Variants in SLC35A5 observed in about 807,000 individuals in gnomAD.
The protein encoded by SLC35A5 is solute carrier family 35 member A5.
In SLC35A5, 28 loss-of-function variants were observed where a neutral mutation model predicts 36.3. The ratio of observed to expected loss-of-function variants is 0.77; its 90% CI spans 0.57 to 1.06. The LOEUF (loss-of-function observed/expected upper bound fraction) is 1.06. Ranked by LOEUF, SLC35A5 falls within the 50% of genes least tolerant of loss-of-function variation. The probability of loss-of-function intolerance (pLI) is 0.00; values close to 1 mark genes in which losing one functional copy is unlikely to be tolerated. For missense variants in SLC35A5, 521 were observed against 499.3 expected, an observed-to-expected ratio of 1.04 and a Z score of -0.41; for synonymous variants, 180 against 173.7, an observed-to-expected ratio of 1.04 and a Z score of -0.29.
At chr3:112,576,686 A>ATTTT (rs1559861812) in intron 5 of SLC35A5, among the ~76,000 whole-genome samples, 1 of 152,116 alleles carries the variant, frequency 6.6e-6, no homozygotes, top group African/African-American at 2.4e-5. Flanking sequence ...AGCTTAGCAT[A>ATTTT]TTGTCTTCAC....
chr3:112,566,055 T>A (rs1018036804), intron 2 of SLC35A5, among the ~76,000 whole-genome samples: 4 of 152,228 alleles, frequency 2.6e-5, no homozygotes, highest in Non-Finnish European at 5.9e-5. Flanking sequence ...TGATGAAGAC[T>A]AACTTAGTGT....
intron 6 of SLC35A5, 110 bp from the exon 7 acceptor site, chr3:112,582,561 A>T: frequency 1.4e-6 from 1 of 689,724 alleles, no homozygotes. Context: ...TGACCAGATT[A>T]TATCTATAGC....
At chr3:112,571,074 T>G (rs919267076) in intron 4 of SLC35A5, among the ~76,000 whole-genome samples, 2 of 152,250 alleles carry the variant, frequency 1.3e-5, no homozygotes, top group African/African-American at 4.8e-5. Context: ...GTACCTTTCT[T>G]ACACCTGTTT....
chr3:112,570,414 TA>T, intron 3 of SLC35A5, 125 bp from the exon 4 acceptor site: 1 of 1,025,602 alleles, frequency 9.8e-7, no homozygotes. Flanking sequence ...AGAGAGACAG[TA>T]ATGAAATGGA....
intron 6 of SLC35A5, among the ~76,000 whole-genome samples, chr3:112,581,815 C>T (rs920550662): frequency 3.9e-5 from 6 of 152,138 alleles, no homozygotes; most frequent in Admixed American, 2.0e-4. Flanking sequence ...CTCAGTCCTC[C>T]CTGTGGTTAT....
At chr3:112,579,645 C>T (rs1005198077) in intron 5 of SLC35A5, among the ~76,000 whole-genome samples, 2 of 152,152 alleles carry the variant, frequency 1.3e-5, no homozygotes, top group African/African-American at 4.8e-5. Context: ...GTCATTTCCT[C>T]TTTGAAGCAA....
chr3:112,573,770 T>A (rs556379395), intron 4 of SLC35A5, 119 bp from the exon 5 acceptor site: 2 of 740,794 alleles, frequency 2.7e-6, no homozygotes, highest in Non-Finnish European at 2.4e-6. Flanking sequence ...ATTGCTACCT[T>A]AATAACCCCT....
At chr3:112,565,490 G>A (rs936509879) in intron 2 of SLC35A5, among the ~76,000 whole-genome samples, 2 of 152,160 alleles carry the variant, frequency 1.3e-5, no homozygotes, top group African/African-American at 2.4e-5. Context: ...AAAGTTTAAG[G>A]ACTCGTAGCC....
intron 2 of SLC35A5, 103 bp from the exon 3 acceptor site, chr3:112,569,068 G>T: frequency 1.1e-6 from 1 of 871,800 alleles, no homozygotes. Flanking sequence ...AATATAACCA[G>T]TAGTAAATCC....
intron 6 of SLC35A5, 59 bp from the exon 7 acceptor site, chr3:112,582,612 C>CTTAGTAATT (rs869038626): frequency 1.6e-6 from 2 of 1,268,972 alleles, no homozygotes; most frequent in African/African-American, 3.4e-5. Context: ...AAGGTTTTCC[C>CTTAGTAATT]TTTAAAAATG....
At chr3:112,581,934 G>A (rs370293489) in intron 6 of SLC35A5, among the ~76,000 whole-genome samples, 4 of 152,254 alleles carry the variant, frequency 2.6e-5, no homozygotes. Flanking sequence ...CTAGAAAAAT[G>A]CTTATGCAAT....
rs1162264591 is a variant in SLC35A5 at position 112,582,719 on chromosome 3, G to T, written c.1258G>T (p.Asp420Tyr). Reference protein sequence around the residue: ...RLTKPKSDESDEDTF With the variant: ...RLTKPKSDESYEDTF ...TACCAAACCCAAGAGTGATGAGTCA[G>T]ATGAAGATACTTTCTAACTGGTACC... The change falls in exon 7 of 7, where the codon GAT (aspartate) becomes TAT (tyrosine). Residue 420 changes from aspartate (D) to tyrosine (Y), a missense_variant. By Grantham distance (160) the Asp-to-Tyr change is radical (BLOSUM62 -3). Transcript: ENST00000492406. The T allele has an allele frequency of 6.2e-7, 1 of 1,612,530 alleles. No homozygotes were observed. Among genetic ancestry groups the T allele is most frequent in the Non-Finnish European group, 8.5e-7 (1 of 1,178,950 alleles).
Position 112,565,324 on chromosome 3 carries a change from A to T in SLC35A5, c.130+1791A>T, listed in dbSNP as rs143628088. Among the ~76,000 whole-genome samples the T allele has an allele frequency of 2.0e-5, 3 of 152,330 alleles. No individual in the cohort carries two copies. The East Asian group carries it at 5.8e-4, about 29-fold the overall frequency. ...AGGGGATGATGTGGAGTTCAAATGG[A>T]TCAGAGAACACTTCGCTGATTAGAA... is the stretch of plus-strand genomic sequence containing the variant. On this transcript the variant is annotated intron_variant, in intron 2 of 6. Coordinates refer to ENST00000492406, the MANE Select transcript of SLC35A5 (RefSeq NM_017945.5).
At chr3:112,564,808 G>A (rs1056221194) in intron 2 of SLC35A5, among the ~76,000 whole-genome samples, 1 of 152,168 alleles carries the variant, frequency 6.6e-6, no homozygotes, top group African/African-American at 2.4e-5. Context: ...GACTCTTAAC[G>A]AGCATGCTGC....
chr3:112,562,713 G>T (rs570742173), intron 1 of SLC35A5, among the ~76,000 whole-genome samples: 19 of 152,200 alleles, frequency 1.2e-4, no homozygotes, highest in Non-Finnish European at 2.5e-4. Context: ...CGAGGGAAAA[G>T]AGGAGGAAAA....
At chr3:112,576,612 T>G (rs148990551) in intron 5 of SLC35A5, among the ~76,000 whole-genome samples, 49 of 152,310 alleles carry the variant, frequency 3.2e-4, no homozygotes, top group African/African-American at 1.1e-3. Flanking sequence ...ATTTGACTAC[T>G]TTAGATTCCT....
rs79278502 is a variant in SLC35A5 at position 112,582,973 on chromosome 3, T to C, written c.*237T>C. ...GAAGAATTCATTAATATCTCAGTACTTGATAAATCAGAAAGTTATATGTGC... is the reference window on the plus strand; with the variant it reads ...GAAGAATTCATTAATATCTCAGTACCTGATAAATCAGAAAGTTATATGTGC... On this transcript the variant is annotated 3_prime_UTR_variant, in exon 7 of 7. Coordinates refer to ENST00000492406, the MANE Select transcript of SLC35A5 (RefSeq NM_017945.5). 1 of 476,452 alleles carries C rather than the reference T, an allele frequency of 2.1e-6. No homozygotes were observed. The highest frequency in any genetic ancestry group is 3.7e-6 in the Non-Finnish European group (1 of 271,206). 29.5% of individuals were successfully genotyped at this position (476,452 alleles called of 1,614,324 possible). A position where few individuals can be genotyped will look rare whatever the true frequency, so the allele number is the denominator to read the frequency against.
intron 2 of SLC35A5, among the ~76,000 whole-genome samples, chr3:112,567,306 G>A (rs1480769329): frequency 6.6e-6 from 1 of 151,858 alleles, no homozygotes; most frequent in African/African-American, 2.4e-5. Context: ...ATCTGAGAAG[G>A]GAAGATTTGT....
In SLC35A5 at chr3:112,584,326, A is replaced by G. The variant is rs1011599615; in HGVS notation, c.*1590A>G. On this transcript the variant is annotated 3_prime_UTR_variant, in exon 7 of 7. Coordinates refer to ENST00000492406, the MANE Select transcript of SLC35A5 (RefSeq NM_017945.5). ...ATCAGTTATGTGAAATACGAAGATT[A>G]TATCTATTATGGCGATTTATTTTAA... 18 of 152,134 alleles carry G rather than the reference A, an allele frequency of 1.2e-4. No individual in the cohort carries two copies. The highest frequency in any genetic ancestry group is 4.3e-4 in the African/African-American group (18 of 41,440). 9.4% of individuals were successfully genotyped at this position (152,134 alleles called of 1,614,324 possible).
Sources: allele counts gnomAD v4.1 joint callset (sites outside exome capture counted in the v4.1 genomes callset), GRCh38; gene constraint gnomAD v4.1.1; transcripts MANE v1.5; gene names NCBI Gene and HGNC (gene_info 2026-07-23, HGNC 2026-07-21).